The following NRF1 variants were observed in gnomAD, a reference collection of about 807,000 sequenced individuals.
NRF1 encodes the protein alpha palindromic-binding protein.
NRF1 carries 5 observed loss-of-function variants against 58.5 expected under a neutral mutation model. The observed-to-expected ratio is 0.09, with a 90% CI of 0.04 to 0.18. The LOEUF is 0.18. Ranked by LOEUF, NRF1 falls within the 10% of genes least tolerant of loss-of-function variation. The pLI is 1.00. For missense variants in NRF1, 288 were observed against 657.7 expected (o/e 0.44, Z 6.15); for synonymous variants, 224 against 246.7 (o/e 0.91, Z 0.86).
intron 10 of NRF1, among the ~76,000 whole-genome samples, chr7:129,751,798 C>T (rs1047530593): frequency 1.3e-5 from 2 of 152,266 alleles, no homozygotes; most frequent in African/African-American, 2.4e-5. Context: ...TGGAGGAACA[C>T]ACAGGTGTCT....
At chr7:129,696,084 A>AAAGC (rs757035741) in intron 5 of NRF1, among the ~76,000 whole-genome samples, 1 of 110,882 alleles carries the variant, frequency 9.0e-6, no homozygotes, top group African/African-American at 3.6e-5. Flanking sequence ...AAAAAAAAAA[A>AAAGC]AACAACCAAA....
intron 9 of NRF1, among the ~76,000 whole-genome samples, chr7:129,723,737 T>C (rs1372292655): frequency 1.3e-5 from 2 of 152,212 alleles, no homozygotes; most frequent in Non-Finnish European, 2.9e-5. Context: ...AAGGTTTATT[T>C]CTAAGCTCTC....
At chr7:129,624,375 C>T (rs1313744976) in intron 1 of NRF1, among the ~76,000 whole-genome samples, 1 of 152,112 alleles carries the variant, frequency 6.6e-6, no homozygotes, top group Non-Finnish European at 1.5e-5. Flanking sequence ...AGCACAGTGC[C>T]TGAGACATAG....
chr7:129,754,670 T>C (rs2116334333), intron 10 of NRF1, among the ~76,000 whole-genome samples: 1 of 151,926 alleles, frequency 6.6e-6, no homozygotes, highest in East Asian at 1.9e-4. Context: ...TGTTTCAAGA[T>C]AGCTAGATTT....
At chr7:129,611,901 C>G (rs1800536563) in intron 1 of NRF1, 77 bp downstream of exon 1, 1 of 148,744 alleles carries the variant, frequency 6.7e-6, no homozygotes, top group African/African-American at 2.4e-5. Context: ...CGCCGGCCGG[C>G]CGGCCCGCCC....
Position 129,755,254 on chromosome 7 carries a change from A to C in NRF1, c.*73A>C. 1 of 1,306,878 alleles carries C rather than the reference A, an allele frequency of 7.7e-7. No homozygotes were observed. Among genetic ancestry groups the C allele is most frequent in the Non-Finnish European group, 1.0e-6 (1 of 984,168 alleles). 81.0% of individuals were successfully genotyped at this position (1,306,878 alleles called of 1,614,324 possible). On this transcript the variant is annotated 3_prime_UTR_variant, in exon 11 of 11. Coordinates refer to ENST00000393232, the MANE Select transcript of NRF1 (RefSeq NM_005011.5). The surrounding 1 kb of genome is among the most constrained non-coding windows in gnomAD (Gnocchi z 5.8). ...TTACACGTTTGCAGAGGTGCAATCA[A>C]ATGGAATTAAGTCTCTCGACTTTGG...
intron 10 of NRF1, among the ~76,000 whole-genome samples, chr7:129,740,942 C>T (rs1234493823): frequency 6.6e-6 from 1 of 152,194 alleles, no homozygotes; most frequent in Non-Finnish European, 1.5e-5. Context: ...TAGTGCTCAT[C>T]TAAGCCATGA....
At chr7:129,622,369 T>C (rs1039686383) in intron 1 of NRF1, among the ~76,000 whole-genome samples, 2 of 152,158 alleles carry the variant, frequency 1.3e-5, no homozygotes, top group Non-Finnish European at 2.9e-5. Flanking sequence ...AGAAATGATA[T>C]TTAAATTTTC....
intron 10 of NRF1, among the ~76,000 whole-genome samples, chr7:129,752,177 C>G (rs1175181348): frequency 6.6e-6 from 1 of 152,186 alleles, no homozygotes; most frequent in African/African-American, 2.4e-5. Context: ...CATGGCTGTC[C>G]CTGGGCCTCC....
chr7:129,719,646 C>T lies in NRF1; in HGVS notation c.1223+2270C>T, dbSNP rs544729193. Reference sequence around the variant, plus strand: ...TTGTTGCTCTTCATTTCTTTTTTTCCCCCACTCACGTATATACTCATCATG... The same window carrying T: ...TTGTTGCTCTTCATTTCTTTTTTTCTCCCACTCACGTATATACTCATCATG... On this transcript the variant is annotated intron_variant, in intron 9 of 10. Transcript: ENST00000393232. 2.0e-5 allele frequency among the ~76,000 whole-genome samples: 3 copies of T among 151,408 alleles called. No individual in the cohort carries two copies. The South Asian group carries it at 6.2e-4, about 31-fold the overall frequency.
intron 4 of NRF1, among the ~76,000 whole-genome samples, chr7:129,679,268 T>C (rs1802250972): frequency 6.6e-6 from 1 of 152,192 alleles, no homozygotes; most frequent in Non-Finnish European, 1.5e-5. Flanking sequence ...TCAATGTATG[T>C]GTCATACTCA....
chr7:129,666,088 T>A (rs1801914963), intron 2 of NRF1, among the ~76,000 whole-genome samples: 1 of 152,260 alleles, frequency 6.6e-6, no homozygotes, highest in Admixed American at 6.5e-5. Flanking sequence ...CTTGAATATT[T>A]GAATCATATG....
At chr7:129,657,248 C>T in intron 1 of NRF1, 98 bp from the exon 2 acceptor site, 7 of 875,172 alleles carry the variant, frequency 8.0e-6, no homozygotes, top group Non-Finnish European at 1.2e-5. Context: ...GGAATTTTGT[C>T]AAGGTTCCTC....
chr7:129,739,452 C>T lies in NRF1; in HGVS notation c.1348+12087C>T, dbSNP rs566042078. On this transcript the variant is annotated intron_variant, in intron 10 of 10. Coordinates refer to ENST00000393232, the MANE Select transcript of NRF1 (RefSeq NM_005011.5). ...CTGTGGTCTCCTGGCAAGTTGTACC[C>T]TCTCTGTACAGGGGAGGACAACACA... Among the ~76,000 whole-genome samples the T allele has an allele frequency of 3.3e-5, 5 of 152,048 alleles. No homozygotes were observed. In the South Asian group the frequency reaches 1.0e-3, roughly 32 times the overall value.
At chr7:129,620,631 C>T (rs1158385074) in intron 1 of NRF1, among the ~76,000 whole-genome samples, 1 of 152,126 alleles carries the variant, frequency 6.6e-6, no homozygotes, top group Non-Finnish European at 1.5e-5. Flanking sequence ...TGTGATCCGC[C>T]CGCCTTGGCC....
intron 5 of NRF1, among the ~76,000 whole-genome samples, chr7:129,708,757 G>A (rs1803007183): frequency 6.6e-6 from 1 of 152,150 alleles, no homozygotes; most frequent in Non-Finnish European, 1.5e-5. Flanking sequence ...CATGAAAACT[G>A]TAGAAGGGAA....
chr7:129,642,872 C>T (rs1801325707), intron 1 of NRF1, among the ~76,000 whole-genome samples: 1 of 151,102 alleles, frequency 6.6e-6, no homozygotes, highest in Non-Finnish European at 1.5e-5. Context: ...TCCATCCTCC[C>T]ACCTTAGCCT....
intron 9 of NRF1, among the ~76,000 whole-genome samples, chr7:129,718,968 C>T (rs1803253473): frequency 6.6e-6 from 1 of 152,106 alleles, no homozygotes; most frequent in Admixed American, 6.5e-5. Flanking sequence ...CTATAGTTAG[C>T]ATTTCAAGAA....
intron 10 of NRF1, among the ~76,000 whole-genome samples, chr7:129,734,186 A>G (rs1803652221): frequency 6.6e-6 from 1 of 152,242 alleles, no homozygotes. Flanking sequence ...CTTACTATGT[A>G]TAAGCATTCT....
Sources: gnomAD v4.1 joint callset for allele counts (sites outside exome capture counted in the v4.1 genomes callset) on GRCh38, gnomAD v4.1.1 for gene constraint, Gnocchi (gnomAD v3.1) non-coding constraint, MANE v1.5 for transcripts, NCBI Gene and HGNC (gene_info 2026-07-23, HGNC 2026-07-21) for gene names.